THSD7A: variants seen among roughly 807,000 people sequenced by gnomAD.
THSD7A encodes thrombospondin type-1 domain-containing protein 7A.
THSD7A carries 96 observed loss-of-function variants against 231.3 expected under a neutral mutation model. The observed-to-expected ratio is 0.41, with a 90% CI of 0.35 to 0.49. THSD7A has a LOEUF of 0.49. Ranked by LOEUF, THSD7A falls within the 20% of genes least tolerant of loss-of-function variation. The pLI is 0.05. For missense variants in THSD7A, 2,290 were observed against 2,070.2 expected, an observed-to-expected ratio of 1.11 and a Z score of -2.06; for synonymous variants, 940 against 743.3, an observed-to-expected ratio of 1.26 and a Z score of -4.30.
Position 11,777,993 on chromosome 7 carries a change from C to CA in THSD7A, c.190+53763dup, listed in dbSNP as rs34060229. ...TGAAACCCCGTCTCTACTAAAAATA[C>CA]AAAAAAAAAAAAAATTAGCCGGGCG... On this transcript the variant is annotated intron_variant, in intron 1 of 27. Transcript: ENST00000423059. Among the ~76,000 whole-genome samples the CA allele has an allele frequency of 7.2e-3, 968 of 134,208 alleles. 6 individuals carry two copies. Among genetic ancestry groups the CA allele is most frequent in the African/African-American group, 0.022 (798 of 36,398 alleles). The allele number at this position is 134,208 out of a possible 152,430, so 88.0% of individuals were successfully genotyped here.
chr7:11,536,713 T>G (rs545346267), intron 6 of THSD7A, among the ~76,000 whole-genome samples: 1 of 152,120 alleles, frequency 6.6e-6, no homozygotes, highest in Non-Finnish European at 1.5e-5. Context: ...AGCACATCCT[T>G]AATAAGCTCG....
At chr7:11,777,305 T>C (rs563925841) in intron 1 of THSD7A, among the ~76,000 whole-genome samples, 1 of 151,990 alleles carries the variant, frequency 6.6e-6, no homozygotes, top group Non-Finnish European at 1.5e-5. Flanking sequence ...TGCTCACATA[T>C]TAAACAACAC....
chr7:11,538,258 AACTG>A (rs763015161), intron 6 of THSD7A, among the ~76,000 whole-genome samples: 1 of 151,922 alleles, frequency 6.6e-6, no homozygotes, highest in African/African-American at 2.4e-5. Context: ...AAAATAACAT[AACTG>A]ACTTTTTTTT....
chr7:11,446,072 C>T lies in THSD7A; in HGVS notation c.3053G>A (p.Cys1018Tyr). 1.9e-6 allele frequency: 3 copies of T among 1,613,270 alleles called. No individual in the cohort carries two copies. In the South Asian group the frequency reaches 3.3e-5, roughly 18 times the overall value. Reference sequence around the variant, plus strand: ...GAAGATTGAATTACCATGGCTGTTACATCTAGATGTTTCCACAAGCCTGCC... The same window carrying T: ...GAAGATTGAATTACCATGGCTGTTATATCTAGATGTTTCCACAAGCCTGCC... ...QNGRLVETSR[C>Y]NSHGYIEEAC... The change falls in exon 13 of 28, where the codon TGT (cysteine) becomes TAT (tyrosine). Residue 1018 changes from cysteine to tyrosine, a missense_variant. Physicochemically the swap from Cys to Tyr is radical, Grantham distance 194. Transcript: ENST00000423059. This position sits in a 1 kb window ranked among gnomAD's most constrained non-coding sequence, Gnocchi z 4.0.
At chr7:11,574,556 T>C (rs1403446763) in intron 4 of THSD7A, among the ~76,000 whole-genome samples, 1 of 150,076 alleles carries the variant, frequency 6.7e-6, no homozygotes, top group Non-Finnish European at 1.5e-5. Flanking sequence ...CGCCTCAGCC[T>C]CCCGAGTAGC....
At chr7:11,584,227 T>C (rs753430781) in intron 4 of THSD7A, among the ~76,000 whole-genome samples, 26 of 152,188 alleles carry the variant, frequency 1.7e-4, no homozygotes, top group Non-Finnish European at 2.9e-4. Context: ...AGTCAAGACC[T>C]CAGTTCTGCC....
At chr7:11,652,148 A>C (rs1244143808) in intron 1 of THSD7A, among the ~76,000 whole-genome samples, 1 of 151,936 alleles carries the variant, frequency 6.6e-6, no homozygotes, top group Non-Finnish European at 1.5e-5. Context: ...ATTAAATTTT[A>C]GTATTCCCCA....
intron 2 of THSD7A, among the ~76,000 whole-genome samples, chr7:11,600,398 A>T (rs1780508862): frequency 6.6e-6 from 1 of 152,154 alleles, no homozygotes; most frequent in South Asian, 2.1e-4. Flanking sequence ...AGAGATATCC[A>T]CTAAATATAC....
At chr7:11,710,791 T>TCAG (rs1381628254) in intron 1 of THSD7A, among the ~76,000 whole-genome samples, 4 of 150,926 alleles carry the variant, frequency 2.7e-5, no homozygotes, top group African/African-American at 4.8e-5. Context: ...GTACTTTAGA[T>TCAG]CAGCAGCAGC....
intron 3 of THSD7A, among the ~76,000 whole-genome samples, chr7:11,591,793 A>G (rs1780174837): frequency 6.6e-6 from 1 of 152,178 alleles, no homozygotes; most frequent in Non-Finnish European, 1.5e-5. Flanking sequence ...ATTGAAGGGG[A>G]AGGAAGCAAA....
At chr7:11,635,192 A>G (rs1271305943) in intron 2 of THSD7A, among the ~76,000 whole-genome samples, 1 of 152,230 alleles carries the variant, frequency 6.6e-6, no homozygotes, top group Non-Finnish European at 1.5e-5. Flanking sequence ...ACTGTGTGAT[A>G]GAGTTGATGA....
intron 6 of THSD7A, among the ~76,000 whole-genome samples, chr7:11,498,659 C>T (rs1787208535): frequency 6.6e-6 from 1 of 152,178 alleles, no homozygotes; most frequent in African/African-American, 2.4e-5. Context: ...AGGTCCTCAT[C>T]CTATTCCTCC....
At chr7:11,659,583 G>A (rs1351446937) in intron 1 of THSD7A, among the ~76,000 whole-genome samples, 2 of 151,300 alleles carry the variant, frequency 1.3e-5, no homozygotes, top group African/African-American at 2.4e-5. Context: ...AGCACTTAGT[G>A]TGTTGCAATT....
intron 1 of THSD7A, among the ~76,000 whole-genome samples, chr7:11,717,446 C>T (rs1377835771): frequency 6.6e-6 from 1 of 151,658 alleles, no homozygotes; most frequent in East Asian, 2.0e-4. Flanking sequence ...CCACTCCTAC[C>T]ACCACCTCAC....
At position 11,793,737 on chromosome 7, in the gene THSD7A, T is replaced by A. The variant is rs1784034957; in HGVS notation, c.190+38020A>T. The stretch of plus-strand genomic sequence containing the variant: ...TCCCCAAATATAAAAATTTTGTATG[T>A]TAAATTTCAACTACTTAAAAATTTA... On this transcript the variant is annotated intron_variant, in intron 1 of 27. Transcript: ENST00000423059. Among the ~76,000 whole-genome samples, 6 of 151,912 alleles carry A rather than the reference T, an allele frequency of 3.9e-5. No homozygotes were observed. In the South Asian group the frequency reaches 1.2e-3, roughly 31 times the overall value.
At chr7:11,410,417 G>GT (rs1041567497) in intron 19 of THSD7A, 2 of 152,104 alleles carry the variant, frequency 1.3e-5, no homozygotes, top group Non-Finnish European at 2.9e-5. Flanking sequence ...CTCTAATGAG[G>GT]TTACAAACCA....
chr7:11,740,289 G>A (rs935446016), intron 1 of THSD7A, among the ~76,000 whole-genome samples: 19 of 151,924 alleles, frequency 1.3e-4, no homozygotes, highest in African/African-American at 4.6e-4. Flanking sequence ...CCCAGAGACG[G>A]GGACAGCTGA....
intron 4 of THSD7A, among the ~76,000 whole-genome samples, chr7:11,552,990 GTTTC>G (rs1789695456): frequency 6.6e-6 from 1 of 152,010 alleles, no homozygotes; most frequent in Non-Finnish European, 1.5e-5. Context: ...AGAGGGAGAT[GTTTC>G]TCTTTCTCTT....
chr7:11,601,221 A>C (rs1780539744), intron 2 of THSD7A, among the ~76,000 whole-genome samples: 1 of 152,104 alleles, frequency 6.6e-6, no homozygotes, highest in Non-Finnish European at 1.5e-5. Flanking sequence ...CATACTTATT[A>C]AGCTCATATT....
Sources: allele counts gnomAD v4.1 joint callset (sites outside exome capture counted in the v4.1 genomes callset), GRCh38; gene constraint gnomAD v4.1.1; non-coding constraint Gnocchi (gnomAD v3.1); transcripts MANE v1.5; gene names NCBI Gene and HGNC (gene_info 2026-07-23, HGNC 2026-07-21).